Variants in ULK4 observed in about 807,000 individuals in gnomAD.
ULK4 encodes inactive serine/threonine-protein kinase ULK4.
ULK4 carries 133 observed loss-of-function variants against 160.6 expected under a neutral mutation model. The ratio of observed to expected loss-of-function variants is 0.83; its 90% CI spans 0.72 to 0.96. The LOEUF is 0.96. Among genes scored for constraint, ULK4 ranks in the 40% least tolerant of loss-of-function variants. ULK4 has a pLI of 0.00. For synonymous variants in ULK4, 534 were observed against 539.8 expected (o/e 0.99, Z 0.15); for missense variants, 1,580 against 1,499.5 (o/e 1.05, Z -0.89).
intron 17 of ULK4, among the ~76,000 whole-genome samples, chr3:41,846,852 A>G (rs1246486740): frequency 6.6e-6 from 1 of 152,150 alleles, no homozygotes. Context: ...AAAGATAAAA[A>G]TAGGATATTC....
intron 27 of ULK4, among the ~76,000 whole-genome samples, chr3:41,695,699 C>T (rs145938394): frequency 1.3e-5 from 2 of 152,192 alleles, no homozygotes; most frequent in African/African-American, 4.8e-5. Flanking sequence ...CATCCAGGTG[C>T]CGAGGCAAGA....
At chr3:41,945,543 A>C (rs1700087564) in intron 2 of ULK4, among the ~76,000 whole-genome samples, 1 of 152,028 alleles carries the variant, frequency 6.6e-6, no homozygotes, top group Non-Finnish European at 1.5e-5. Flanking sequence ...ACACTTGCTA[A>C]ATGTTGCAAT....
chr3:41,261,303 T>C (rs911312237), intron 35 of ULK4, among the ~76,000 whole-genome samples: 13 of 152,220 alleles, frequency 8.5e-5, no homozygotes, highest in Non-Finnish European at 1.8e-4. Flanking sequence ...AATTTTCTTT[T>C]TGACAACTTG....
intron 35 of ULK4, among the ~76,000 whole-genome samples, chr3:41,279,961 T>C (rs1419679308): frequency 1.3e-5 from 2 of 151,938 alleles, no homozygotes; most frequent in African/African-American, 4.8e-5. Context: ...ACCAAGCAAA[T>C]GGAAAGCAAA....
intron 22 of ULK4, 131 bp downstream of exon 22, chr3:41,754,229 GA>G: frequency 9.9e-7 from 1 of 1,013,610 alleles, no homozygotes; most frequent in Middle Eastern, 2.5e-4. Context: ...GATTACAGGT[GA>G]AATATTAAGC....
intron 29 of ULK4, among the ~76,000 whole-genome samples, chr3:41,677,120 G>A (rs1490564820): frequency 6.6e-6 from 1 of 151,724 alleles, no homozygotes; most frequent in Non-Finnish European, 1.5e-5. Flanking sequence ...TGTTGCCCAG[G>A]CTAGTCTCAA....
At chr3:41,825,649 C>T (rs140525578) in intron 18 of ULK4, among the ~76,000 whole-genome samples, 2,280 of 152,258 alleles carry the variant, frequency 0.015, 43 homozygotes, top group African/African-American at 0.052. Flanking sequence ...CCAAGAAATA[C>T]GGGACTATGT....
chr3:41,652,081 C>T (rs1375003291), intron 30 of ULK4, among the ~76,000 whole-genome samples: 1 of 152,100 alleles, frequency 6.6e-6, no homozygotes, highest in African/African-American at 2.4e-5. Context: ...CAGAGATGAA[C>T]AGTCTCAGTG....
At chr3:41,496,070 G>A (rs780645291) in intron 32 of ULK4, among the ~76,000 whole-genome samples, 116 of 151,922 alleles carry the variant, frequency 7.6e-4, no homozygotes, top group African/African-American at 2.6e-3. Flanking sequence ...TTTGTAAAAC[G>A]TATCAAATTT....
intron 32 of ULK4, among the ~76,000 whole-genome samples, chr3:41,508,721 A>AAACAATCACCGCAGGT (rs1306049789): frequency 1.3e-5 from 2 of 152,206 alleles, no homozygotes; most frequent in East Asian, 3.9e-4. Flanking sequence ...AGAATAGCAA[A>AAACAATCACCGCAGGT]AACAATCACC....
intron 35 of ULK4, among the ~76,000 whole-genome samples, chr3:41,282,277 T>A (rs1358479649): frequency 6.6e-6 from 1 of 152,220 alleles, no homozygotes; most frequent in Admixed American, 6.5e-5. Context: ...CCAGACTTTC[T>A]TCACAGAATT....
At chr3:41,868,004 C>A (rs1303887945) in intron 17 of ULK4, among the ~76,000 whole-genome samples, 1 of 152,100 alleles carries the variant, frequency 6.6e-6, no homozygotes, top group Non-Finnish European at 1.5e-5. Flanking sequence ...AATTTCAATA[C>A]TTTGTTATAA....
intron 32 of ULK4, among the ~76,000 whole-genome samples, chr3:41,471,888 T>C (rs1216736879): frequency 6.8e-6 from 1 of 147,842 alleles, no homozygotes; most frequent in African/African-American, 2.5e-5. Context: ...AATAAGTACC[T>C]ACATCAAAAA....
At chr3:41,710,368 T>C (rs141762073) in intron 25 of ULK4, among the ~76,000 whole-genome samples, 173 of 152,220 alleles carry the variant, frequency 1.1e-3, no homozygotes, top group Non-Finnish European at 1.9e-3. Flanking sequence ...AAGGAACATA[T>C]AGTCATTGGC....
intron 35 of ULK4, among the ~76,000 whole-genome samples, chr3:41,346,332 T>C (rs2080799742): frequency 6.6e-6 from 1 of 152,134 alleles, no homozygotes; most frequent in African/African-American, 2.4e-5. Context: ...CAGGACTTAT[T>C]TTTACTTGCT....
intron 25 of ULK4, among the ~76,000 whole-genome samples, chr3:41,714,841 G>C (rs2037210434): frequency 1.0e-5 from 1 of 95,482 alleles, no homozygotes. Context: ...AACAGAGCGA[G>C]ACTCTGTCTT....
intron 35 of ULK4, among the ~76,000 whole-genome samples, chr3:41,352,203 C>T (rs767780254): frequency 6.6e-6 from 1 of 152,196 alleles, no homozygotes; most frequent in Non-Finnish European, 1.5e-5. Flanking sequence ...GACTTGGCTC[C>T]TGGTTACCAG....
intron 35 of ULK4, among the ~76,000 whole-genome samples, chr3:41,269,725 A>G (rs1310577654): frequency 1.3e-5 from 2 of 152,240 alleles, no homozygotes; most frequent in African/African-American, 2.4e-5. Context: ...AAATAGTACA[A>G]TCTCAATAGT....
intron 32 of ULK4, among the ~76,000 whole-genome samples, chr3:41,470,449 G>C (rs2083959758): frequency 6.6e-6 from 1 of 152,168 alleles, no homozygotes; most frequent in South Asian, 2.1e-4. Flanking sequence ...ATCACCACTA[G>C]GCTTGCCTTA....
Sources: gnomAD v4.1 joint callset for allele counts (sites outside exome capture counted in the v4.1 genomes callset) on GRCh38, gnomAD v4.1.1 for gene constraint, MANE v1.5 for transcripts, NCBI Gene and HGNC (gene_info 2026-07-23, HGNC 2026-07-21) for gene names.